Variants in CDH4 observed in about 807,000 individuals in gnomAD.
The protein encoded by CDH4 is cadherin-4.
A neutral mutation model predicts 86.0 loss-of-function variants in CDH4; 33 were observed. That is an observed-to-expected ratio of 0.38 (90% CI 0.29 to 0.51). The LOEUF (loss-of-function observed/expected upper bound fraction) is 0.51, where lower values mean the gene tolerates loss of function less well. CDH4 is among the 20% of genes least tolerant of loss of function. The probability of loss-of-function intolerance (pLI) is 0.86; values close to 1 mark genes in which losing one functional copy is unlikely to be tolerated. For synonymous variants in CDH4, 555 were observed against 549.4 expected (o/e 1.01, Z -0.14); for missense variants, 1,114 against 1,307.4 (o/e 0.85, Z 2.28).
At position 61,844,884 on chromosome 20, in the gene CDH4, C is replaced by G. The variant is rs544080907; in HGVS notation, c.732+61C>G. The G allele has an allele frequency of 3.3e-4, 498 of 1,527,298 alleles. 2 individuals carry two copies. The highest frequency in any genetic ancestry group is 3.2e-3 in the South Asian group (259 of 80,878). The allele number at this position is 1,527,298 out of a possible 1,614,324, so 94.6% of individuals were successfully genotyped here. On this transcript the variant is annotated intron_variant, in intron 5 of 15. Coordinates refer to ENST00000614565, the MANE Select transcript of CDH4 (RefSeq NM_001794.5). The stretch of plus-strand genomic sequence containing the variant: ...GGGTGGCGATCCCAGCCCTACCAGG[C>G]CTTGGCAGGTGCCCCCAGCAGGGCC...
intron 4 of CDH4, among the ~76,000 whole-genome samples, chr20:61,801,764 T>G (rs1434997643): frequency 1.3e-5 from 2 of 152,212 alleles, no homozygotes; most frequent in African/African-American, 2.4e-5. Flanking sequence ...CTCTCTGCTT[T>G]CTTTCCACAT....
chr20:61,262,021 G>A (rs899725124), intron 2 of CDH4, among the ~76,000 whole-genome samples: 3 of 152,244 alleles, frequency 2.0e-5, no homozygotes, highest in African/African-American at 7.2e-5. Context: ...GCCGGGCAGA[G>A]AGGGAGCAGA....
chr20:61,503,605 G>A (rs1307618808), intron 2 of CDH4, among the ~76,000 whole-genome samples: 1 of 152,160 alleles, frequency 6.6e-6, no homozygotes, highest in Non-Finnish European at 1.5e-5. Context: ...GAGGTAATAT[G>A]TCATAAGGAC....
chr20:61,620,226 G>GCAGA (rs146196287), intron 2 of CDH4, among the ~76,000 whole-genome samples: 34,644 of 131,158 alleles, frequency 0.26, 4,830 homozygotes, highest in South Asian at 0.34. Flanking sequence ...AGGCTGGTAG[G>GCAGA]CAGACAGACA....
intron 8 of CDH4, among the ~76,000 whole-genome samples, chr20:61,905,224 T>C (rs2054776044): frequency 6.6e-6 from 1 of 152,248 alleles, no homozygotes; most frequent in South Asian, 2.1e-4. Context: ...AAAGTCATTA[T>C]GGCTGGGGGA....
intron 2 of CDH4, among the ~76,000 whole-genome samples, chr20:61,565,307 T>TCGGTGGTAGGTGG (rs2086279972): frequency 2.3e-5 from 1 of 42,566 alleles, no homozygotes; most frequent in Non-Finnish European, 4.7e-5. Context: ...GGCGGTGCTC[T>TCGGTGGTAGGTGG]TGGTGGTGGC....
chr20:61,402,974 C>G (rs1052799601), intron 2 of CDH4, among the ~76,000 whole-genome samples: 1 of 152,202 alleles, frequency 6.6e-6, no homozygotes, highest in Non-Finnish European at 1.5e-5. Flanking sequence ...CCCAGGCTCC[C>G]TTACAGCGAA....
chr20:61,516,033 G>A lies in CDH4; in HGVS notation c.170-227530G>A, dbSNP rs1055224157. On this transcript the variant is annotated intron_variant, in intron 2 of 15. Transcript: ENST00000614565. This position sits in a 1 kb window ranked among gnomAD's most constrained non-coding sequence, Gnocchi z 4.0. ...CAGCCCCATCTTCCCCTGGGCTCTG[G>A]AACGCCCCCCCAATACGATTCCACC... Among the ~76,000 whole-genome samples, 1 of 152,080 alleles carries A rather than the reference G, an allele frequency of 6.6e-6. No individual in the cohort carries two copies. Among genetic ancestry groups the A allele is most frequent in the African/African-American group, 2.4e-5 (1 of 41,414 alleles).
chr20:61,635,691 TGGAGTA>T (rs1451740128), intron 2 of CDH4, among the ~76,000 whole-genome samples: 3 of 152,076 alleles, frequency 2.0e-5, no homozygotes, highest in Non-Finnish European at 4.4e-5. Flanking sequence ...TTCTGGGGGT[TGGAGTA>T]GGAGGAGGAG....
chr20:61,277,327 T>C (rs1232463120), intron 2 of CDH4, among the ~76,000 whole-genome samples: 1 of 152,252 alleles, frequency 6.6e-6, no homozygotes, highest in African/African-American at 2.4e-5. Context: ...GTTTTTGTAC[T>C]CTCTTCTGCG....
At position 61,285,882 on chromosome 20, in the gene CDH4, G is replaced by T. The variant is rs1021637070; in HGVS notation, c.169+30945G>T. Among the ~76,000 whole-genome samples, 30 of 152,228 alleles carry T rather than the reference G, an allele frequency of 2.0e-4. 3 individuals carry two copies. Among genetic ancestry groups the T allele is most frequent in the Admixed American group, 1.6e-3 (25 of 15,282 alleles). On this transcript the variant is annotated intron_variant, in intron 2 of 15. Transcript: ENST00000614565. Reference sequence around the variant, plus strand: ...TCACCTGGCCAGGGGGCTGGGGATGGCCGTGGGCACCCACACCAACCTCTG... The same window carrying T: ...TCACCTGGCCAGGGGGCTGGGGATGTCCGTGGGCACCCACACCAACCTCTG...
At chr20:61,693,238 A>G (rs2087678631) in intron 2 of CDH4, among the ~76,000 whole-genome samples, 1 of 152,114 alleles carries the variant, frequency 6.6e-6, no homozygotes, top group African/African-American at 2.4e-5. Context: ...TCCTGTGATG[A>G]AGGCCAGTGC....
chr20:61,853,725 C>T (rs569964315), intron 6 of CDH4, among the ~76,000 whole-genome samples: 2 of 152,318 alleles, frequency 1.3e-5, no homozygotes, highest in East Asian at 3.9e-4. Context: ...CCCCCACCTG[C>T]TCATCCAGAT....
At chr20:61,484,584 G>C (rs1183040944) in intron 2 of CDH4, among the ~76,000 whole-genome samples, 2 of 152,242 alleles carry the variant, frequency 1.3e-5, no homozygotes, top group Admixed American at 1.3e-4. Flanking sequence ...GCCAGTGCCA[G>C]CTTCACGCAG....
chr20:61,443,863 T>C (rs1429276280), intron 2 of CDH4, among the ~76,000 whole-genome samples: 1 of 151,794 alleles, frequency 6.6e-6, no homozygotes, highest in Non-Finnish European at 1.5e-5. Context: ...TATCTCTCTA[T>C]GTGTCTATAT....
chr20:61,559,772 G>A (rs528189316), intron 2 of CDH4, among the ~76,000 whole-genome samples: 47 of 151,964 alleles, frequency 3.1e-4, no homozygotes, highest in African/African-American at 8.7e-4. Context: ...ACCCACCTCC[G>A]CCTCCCAAAG....
At chr20:61,450,682 A>G (rs2085374572) in intron 2 of CDH4, among the ~76,000 whole-genome samples, 1 of 151,864 alleles carries the variant, frequency 6.6e-6, no homozygotes, top group Admixed American at 6.6e-5. Flanking sequence ...TTGCTGTGAT[A>G]AGACAAGGAC....
intron 2 of CDH4, among the ~76,000 whole-genome samples, chr20:61,368,450 A>C (rs2084822650): frequency 6.6e-6 from 1 of 152,208 alleles, no homozygotes; most frequent in Non-Finnish European, 1.5e-5. Context: ...CCTGCACCAG[A>C]CACTGAATCT....
intron 2 of CDH4, among the ~76,000 whole-genome samples, chr20:61,705,732 T>C (rs2087822265): frequency 6.6e-6 from 1 of 152,228 alleles, no homozygotes; most frequent in Admixed American, 6.5e-5. Flanking sequence ...TGGCTTCCTC[T>C]CACGACAGCT....
Sources: gnomAD v4.1 joint callset for allele counts (sites outside exome capture counted in the v4.1 genomes callset) on GRCh38, gnomAD v4.1.1 for gene constraint, Gnocchi (gnomAD v3.1) non-coding constraint, MANE v1.5 for transcripts, NCBI Gene and HGNC (gene_info 2026-07-23, HGNC 2026-07-21) for gene names.